The following CDA variants were observed in gnomAD, a reference collection of about 807,000 sequenced individuals.
The protein encoded by CDA is cytidine deaminase, also known as cytidine aminohydrolase.
CDA carries 7 observed loss-of-function variants against 15.0 expected under a neutral mutation model. The ratio of observed to expected loss-of-function variants is 0.47; its 90% CI spans 0.26 to 0.87. The LOEUF (loss-of-function observed/expected upper bound fraction) is 0.87. Ranked by LOEUF, CDA falls within the 40% of genes least tolerant of loss-of-function variation. The pLI, the probability that CDA is intolerant of heterozygous loss-of-function variation, is 0.15. For synonymous variants in CDA, 58 were observed against 73.0 expected, an observed-to-expected ratio of 0.79 and a Z score of 1.05; for missense variants, 159 against 182.7, an observed-to-expected ratio of 0.87 and a Z score of 0.75.
chr1:20,607,443 G>A (rs1280461444), intron 2 of CDA, among the ~76,000 whole-genome samples: 1 of 152,088 alleles, frequency 6.6e-6, no homozygotes, highest in African/African-American at 2.4e-5. Flanking sequence ...GCCAAGATCA[G>A]GATGTGAATT....
chr1:20,617,143 C>T (rs1403971802), intron 3 of CDA, among the ~76,000 whole-genome samples: 1 of 152,158 alleles, frequency 6.6e-6, no homozygotes, highest in East Asian at 1.9e-4. Context: ...TTCTCCCATC[C>T]CTAAAACCAT....
At chr1:20,602,702 G>C (rs1429356014) in intron 1 of CDA, among the ~76,000 whole-genome samples, 2 of 147,180 alleles carry the variant, frequency 1.4e-5, no homozygotes, top group East Asian at 3.8e-4. Context: ...TTATAGGCTT[G>C]AGCCACCATG....
chr1:20,589,329 G>A, intron 1 of CDA, 46 bp downstream of exon 1: 5 of 1,583,896 alleles, frequency 3.2e-6, no homozygotes, highest in South Asian at 2.2e-5. Context: ...AGCCTGGGTG[G>A]TGGGTCAGAG....
At chr1:20,613,099 T>G (rs1423419641) in intron 2 of CDA, among the ~76,000 whole-genome samples, 1 of 152,164 alleles carries the variant, frequency 6.6e-6, no homozygotes, top group Admixed American at 6.5e-5. Context: ...ACTTATGAAC[T>G]CTACACTTCC....
intron 2 of CDA, among the ~76,000 whole-genome samples, chr1:20,608,041 G>C (rs2052710469): frequency 6.6e-6 from 1 of 152,050 alleles, no homozygotes; most frequent in African/African-American, 2.4e-5. Flanking sequence ...ACCAAGGTGA[G>C]CACAAACCAC....
At chr1:20,598,793 A>G (rs1407031778) in intron 1 of CDA, among the ~76,000 whole-genome samples, 1 of 152,234 alleles carries the variant, frequency 6.6e-6, no homozygotes, top group African/African-American at 2.4e-5. Context: ...GTTGAGGGTT[A>G]GGACTTCAAC....
intron 2 of CDA, among the ~76,000 whole-genome samples, chr1:20,610,269 T>TTTA (rs1553143442): frequency 2.1e-4 from 26 of 123,478 alleles, no homozygotes; most frequent in African/African-American, 7.0e-4. Flanking sequence ...ATCTTTTTTT[T>TTTA]TTTTATTTTA....
intron 1 of CDA, among the ~76,000 whole-genome samples, chr1:20,592,817 G>C (rs1469016276): frequency 6.6e-6 from 1 of 152,270 alleles, no homozygotes; most frequent in Non-Finnish European, 1.5e-5. Context: ...TAAAGGCTGG[G>C]TGCGGTGGCT....
intron 2 of CDA, among the ~76,000 whole-genome samples, chr1:20,613,332 T>C (rs939123450): frequency 1.3e-5 from 2 of 152,022 alleles, no homozygotes; most frequent in Non-Finnish European, 2.9e-5. Context: ...GCCTCCTGAG[T>C]AGCTGGGAGC....
At chr1:20,610,270 TTTTA>T (rs1290315318) in intron 2 of CDA, among the ~76,000 whole-genome samples, 2 of 40,658 alleles carry the variant, frequency 4.9e-5, no homozygotes, top group Non-Finnish European at 7.2e-5. Context: ...TCTTTTTTTT[TTTTA>T]TTTTATTTTA....
intron 1 of CDA, among the ~76,000 whole-genome samples, chr1:20,599,420 C>G (rs950437129): frequency 6.6e-6 from 1 of 151,716 alleles, no homozygotes; most frequent in Non-Finnish European, 1.5e-5. Flanking sequence ...AGTTCAAGAC[C>G]AGCCTGACCA....
Position 20,618,519 on chromosome 1 carries a change from AG to A in CDA, c.393del (p.Glu131AspfsTer56). The A allele has an allele frequency of 6.2e-7, 1 of 1,613,766 alleles. No individual in the cohort carries two copies. Among genetic ancestry groups the A allele is most frequent in the Non-Finnish European group, 8.5e-7 (1 of 1,179,804 alleles). On this transcript the variant is annotated frameshift_variant, in exon 4 of 4. Coordinates refer to ENST00000375071, the MANE Select transcript of CDA (RefSeq NM_001785.3). LOFTEE classifies it high-confidence loss of function. ...ACGTATATTGTCATGACGGTCCAGG[AG>A]CTGCTGCCCTCCTCCTTTGGGCCTG... is the stretch of plus-strand genomic sequence containing the variant. ...DGTYIVMTVQ[E>X]LLPSSFGPED...
At chr1:20,601,702 G>T (rs918068890) in intron 1 of CDA, among the ~76,000 whole-genome samples, 1 of 152,110 alleles carries the variant, frequency 6.6e-6, no homozygotes, top group Admixed American at 6.6e-5. Flanking sequence ...CTCCTAACAT[G>T]CCAATGTAAA....
intron 1 of CDA, among the ~76,000 whole-genome samples, chr1:20,595,761 G>A (rs2052586469): frequency 7.1e-6 from 1 of 140,406 alleles, no homozygotes; most frequent in Admixed American, 7.4e-5. Flanking sequence ...GATGGCCTGA[G>A]CCCCGGTGGT....
At position 20,609,336 on chromosome 1, in the gene CDA, A is replaced by T. The variant is rs185674451; in HGVS notation, c.266+4297A>T. Among the ~76,000 whole-genome samples, 549 of 152,276 alleles carry T rather than the reference A, an allele frequency of 3.6e-3. 1 individual carries two copies. Among genetic ancestry groups the T allele is most frequent in the African/African-American group, 0.012 (489 of 41,550 alleles). On this transcript the variant is annotated intron_variant, in intron 2 of 3. Transcript: ENST00000375071. ...CGTCTCTACTAAAAATACAAAAAAA[A>T]TTAACCAGGCGTGGTGGCGGGCACC...
intron 1 of CDA, among the ~76,000 whole-genome samples, chr1:20,602,145 A>G (rs2052649407): frequency 7.9e-6 from 1 of 126,052 alleles, no homozygotes; most frequent in African/African-American, 3.0e-5. Context: ...GGAGAGGAGG[A>G]GAAAGGAGGG....
At chr1:20,617,513 A>G (rs1267996732) in intron 3 of CDA, among the ~76,000 whole-genome samples, 1 of 151,980 alleles carries the variant, frequency 6.6e-6, no homozygotes, top group Non-Finnish European at 1.5e-5. Context: ...TGTTCTCGTG[A>G]TAGTGAATAA....
At chr1:20,596,266 G>A (rs933484481) in intron 1 of CDA, among the ~76,000 whole-genome samples, 1 of 152,198 alleles carries the variant, frequency 6.6e-6, no homozygotes, top group Non-Finnish European at 1.5e-5. Flanking sequence ...AGGAGGTTAG[G>A]AACATGGAGA....
At chr1:20,611,376 GTTTGTTTTGT>G (rs368105661) in intron 2 of CDA, among the ~76,000 whole-genome samples, 7 of 152,164 alleles carry the variant, frequency 4.6e-5, no homozygotes, top group African/African-American at 7.2e-5. Context: ...AAAGGCACTT[GTTTGTTTTGT>G]TTTGTTTTGT....
Sources: gnomAD v4.1 joint callset for allele counts (sites outside exome capture counted in the v4.1 genomes callset) on GRCh38, gnomAD v4.1.1 for gene constraint, MANE v1.5 for transcripts, NCBI Gene and HGNC (gene_info 2026-07-23, HGNC 2026-07-21) for gene names.